Variants in TRPM3 observed in about 807,000 individuals in gnomAD.
The protein encoded by TRPM3 is long transient receptor potential channel 3.
TRPM3 carries 77 observed loss-of-function variants against 181.2 expected under a neutral mutation model. That is an observed-to-expected ratio of 0.42 (90% CI 0.35 to 0.51). The LOEUF is 0.51. TRPM3 is among the 20% of genes least tolerant of loss of function. The pLI is 0.01. For missense variants in TRPM3, 1,759 were observed against 2,196.7 expected, an observed-to-expected ratio of 0.80 and a Z score of 3.98; for synonymous variants, 745 against 796.4, an observed-to-expected ratio of 0.94 and a Z score of 1.09.
intron 3 of TRPM3, among the ~76,000 whole-genome samples, chr9:70,862,572 T>G (rs943907509): frequency 8.5e-5 from 13 of 152,272 alleles, no homozygotes; most frequent in African/African-American, 2.4e-4. Flanking sequence ...TAGAAAAATA[T>G]GTCTTAATGG....
chr9:70,609,644 C>T (rs10114679), intron 19 of TRPM3, among the ~76,000 whole-genome samples: 8,507 of 152,270 alleles, frequency 0.056, 293 homozygotes, highest in African/African-American at 0.097. Context: ...TTATCCTGCC[C>T]TAAATGTCAA....
At chr9:70,923,843 TACAC>T (rs1319803452) in intron 1 of TRPM3, among the ~76,000 whole-genome samples, 1 of 121,784 alleles carries the variant, frequency 8.2e-6, no homozygotes, top group Non-Finnish European at 1.9e-5. Context: ...TATATATATA[TACAC>T]ACACACACAC....
At chr9:70,881,026 A>G (rs2132690965) in intron 1 of TRPM3, among the ~76,000 whole-genome samples, 1 of 152,270 alleles carries the variant, frequency 6.6e-6, no homozygotes, top group Non-Finnish European at 1.5e-5. Flanking sequence ...GTCAGCATTG[A>G]TAAACATGAT....
At chr9:71,033,543 T>G (rs2134727149) in intron 1 of TRPM3, among the ~76,000 whole-genome samples, 1 of 150,498 alleles carries the variant, frequency 6.6e-6, no homozygotes, top group Admixed American at 6.6e-5. Context: ...CATTTAAGAT[T>G]AATAAAAACA....
chr9:71,339,842 A>G (rs1434956354), intron 1 of TRPM3, among the ~76,000 whole-genome samples: 1 of 152,108 alleles, frequency 6.6e-6, no homozygotes, highest in African/African-American at 2.4e-5. Flanking sequence ...TGCATTTGAT[A>G]AAATTCAGAA....
chr9:71,293,608 A>G (rs879764241), intron 1 of TRPM3, among the ~76,000 whole-genome samples: 364 of 100,238 alleles, frequency 3.6e-3, no homozygotes, highest in Non-Finnish European at 6.3e-3. Flanking sequence ...CATTTGTGGA[A>G]AAAAAAAAGC....
At chr9:71,203,524 A>C (rs547327524) in intron 1 of TRPM3, among the ~76,000 whole-genome samples, 1 of 152,320 alleles carries the variant, frequency 6.6e-6, no homozygotes, top group South Asian at 2.1e-4. Context: ...GGGATGGATA[A>C]AACTGAGAAA....
intron 1 of TRPM3, among the ~76,000 whole-genome samples, chr9:71,212,786 A>G (rs1309254669): frequency 6.6e-6 from 1 of 152,246 alleles, no homozygotes; most frequent in Non-Finnish European, 1.5e-5. Flanking sequence ...TAATATTAAA[A>G]TGACTTGAAT....
chr9:71,277,966 A>T (rs1162272259), intron 1 of TRPM3, among the ~76,000 whole-genome samples: 2 of 152,228 alleles, frequency 1.3e-5, no homozygotes, highest in East Asian at 3.9e-4. Flanking sequence ...GCGACTAATT[A>T]TAAAGAGAGT....
chr9:70,699,049 ATTTGT>A (rs978058398), intron 8 of TRPM3, among the ~76,000 whole-genome samples: 8 of 152,160 alleles, frequency 5.3e-5, no homozygotes, highest in African/African-American at 1.7e-4. Context: ...AAATGATACA[ATTTGT>A]TTTGTTTCTT....
At chr9:71,280,383 C>A (rs79892314) in intron 1 of TRPM3, among the ~76,000 whole-genome samples, 2,981 of 151,936 alleles carry the variant, frequency 0.02, 58 homozygotes, top group East Asian at 0.074. Flanking sequence ...GAAAATTTCC[C>A]AATGGGAACA....
intron 3 of TRPM3, among the ~76,000 whole-genome samples, chr9:70,861,630 C>CCA (rs1411376507): frequency 6.6e-6 from 1 of 152,096 alleles, no homozygotes; most frequent in African/African-American, 2.4e-5. Flanking sequence ...TGGGTCAATC[C>CCA]CATACTGTGA....
At position 70,625,532 on chromosome 9, in the gene TRPM3, A is replaced by G. The variant is rs773438613; in HGVS notation, c.1633-15T>C. ...GGATACTCTCGCTTGGAAAGAAGAC[A>G]TAAGTTAAATAAGAAGATGCAGTAA... On this transcript the variant is annotated splice_polypyrimidine_tract_variant and intron_variant, in intron 12 of 25. Coordinates refer to ENST00000677713, the MANE Select transcript of TRPM3 (RefSeq NM_001366145.2). This position sits in a 1 kb window ranked among gnomAD's most constrained non-coding sequence, Gnocchi z 4.8. 7 of 1,607,440 alleles carry G rather than the reference A, an allele frequency of 4.4e-6. No homozygotes were observed. The highest frequency in any genetic ancestry group is 5.9e-6 in the Non-Finnish European group (7 of 1,177,830).
intron 1 of TRPM3, among the ~76,000 whole-genome samples, chr9:71,313,575 C>G (rs1453405356): frequency 1.3e-5 from 2 of 152,074 alleles, no homozygotes; most frequent in Non-Finnish European, 2.9e-5. Flanking sequence ...ATTTTCTTGA[C>G]CTATCACAGT....
chr9:71,391,311 C>T (rs2093056393), intron 1 of TRPM3, among the ~76,000 whole-genome samples: 1 of 151,968 alleles, frequency 6.6e-6, no homozygotes, highest in Non-Finnish European at 1.5e-5. Flanking sequence ...TGACTTGTTT[C>T]AGACCAGAAT....
intron 1 of TRPM3, among the ~76,000 whole-genome samples, chr9:71,302,306 CCTA>C (rs1158592338): frequency 1.3e-5 from 2 of 152,134 alleles, no homozygotes; most frequent in African/African-American, 4.8e-5. Flanking sequence ...ATCCTCATCA[CCTA>C]CTATTTTATG....
chr9:71,371,673 G>A (rs910657608), intron 1 of TRPM3, among the ~76,000 whole-genome samples: 3 of 152,162 alleles, frequency 2.0e-5, no homozygotes, highest in African/African-American at 7.2e-5. Flanking sequence ...GATAACAAAG[G>A]TTATAAACTT....
chr9:71,036,144 A>G (rs1197412723), intron 1 of TRPM3, among the ~76,000 whole-genome samples: 1 of 152,124 alleles, frequency 6.6e-6, no homozygotes, highest in East Asian at 1.9e-4. Flanking sequence ...CTCCTTTGTC[A>G]TGCTACATTT....
At chr9:70,841,361 G>A (rs2094610931) in intron 5 of TRPM3, among the ~76,000 whole-genome samples, 1 of 151,796 alleles carries the variant, frequency 6.6e-6, no homozygotes, top group Admixed American at 6.6e-5. Context: ...TAACAAAACT[G>A]ACATCTCATT....
Sources: allele counts gnomAD v4.1 joint callset (sites outside exome capture counted in the v4.1 genomes callset), GRCh38; gene constraint gnomAD v4.1.1; non-coding constraint Gnocchi (gnomAD v3.1); transcripts MANE v1.5; gene names NCBI Gene and HGNC (gene_info 2026-07-23, HGNC 2026-07-21).